SCN2A: variants seen among roughly 807,000 people sequenced by gnomAD.
The protein encoded by SCN2A is sodium voltage-gated channel alpha subunit 2.
Under a neutral mutation model 188.7 loss-of-function variants are expected in SCN2A, and 20 were observed. The ratio of observed to expected loss-of-function variants is 0.11; its 90% CI spans 0.07 to 0.15. The LOEUF is 0.15. Ranked by LOEUF, SCN2A falls within the 10% of genes least tolerant of loss-of-function variation. The pLI, the probability that SCN2A is intolerant of heterozygous loss-of-function variation, is 1.00. For synonymous variants in SCN2A, 804 were observed against 833.1 expected (o/e 0.97, Z 0.60); for missense variants, 1,278 against 2,445.0 (o/e 0.52, Z 10.07).
intron 17 of SCN2A, among the ~76,000 whole-genome samples, chr2:165,357,159 T>G (rs991651306): frequency 3.9e-5 from 6 of 152,180 alleles, no homozygotes; most frequent in African/African-American, 1.4e-4. Flanking sequence ...AGGTTATGTG[T>G]AGGTTTTGAT....
At position 165,319,259 on chromosome 2, in the gene SCN2A, C is replaced by T. The variant is rs181246005; in HGVS notation, c.1671+3501C>T. 2.6e-5 allele frequency among the ~76,000 whole-genome samples: 4 copies of T among 152,156 alleles called. No homozygotes were observed. The East Asian group carries it at 7.8e-4, about 30-fold the overall frequency. On this transcript the variant is annotated intron_variant, in intron 11 of 26. Transcript: ENST00000375437. Reference sequence around the variant, plus strand: ...GGCTGAGGCAGGAGAATGGTGTGAACCTGGGAGGTGGAGCTTGCAGTGAGC... The same window carrying T: ...GGCTGAGGCAGGAGAATGGTGTGAATCTGGGAGGTGGAGCTTGCAGTGAGC...
intron 1 of SCN2A, among the ~76,000 whole-genome samples, chr2:165,294,345 CTAGGCA>C (rs1696387149): frequency 6.6e-6 from 1 of 151,950 alleles, no homozygotes; most frequent in African/African-American, 2.4e-5. Context: ...ATGTCTGTCG[CTAGGCA>C]TGAGGGTCTC....
chr2:165,257,365 C>T (rs896554272), intron 1 of SCN2A, among the ~76,000 whole-genome samples: 2 of 152,160 alleles, frequency 1.3e-5, no homozygotes, highest in African/African-American at 4.8e-5. Context: ...AGTTCCACAC[C>T]ACCAGAAAAG....
chr2:165,304,370 T>C (rs1265051799), intron 3 of SCN2A, among the ~76,000 whole-genome samples: 1 of 152,204 alleles, frequency 6.6e-6, no homozygotes, highest in African/African-American at 2.4e-5. Flanking sequence ...GCTGAGATTA[T>C]AGGCGAGAGC....
chr2:165,284,528 A>G (rs1190650937), intron 1 of SCN2A, among the ~76,000 whole-genome samples: 1 of 152,124 alleles, frequency 6.6e-6, no homozygotes, highest in African/African-American at 2.4e-5. Context: ...ATTCATGGGG[A>G]AGATGCCCAG....
chr2:165,241,412 G>T (rs906501223), intron 1 of SCN2A, among the ~76,000 whole-genome samples: 2 of 152,164 alleles, frequency 1.3e-5, no homozygotes, highest in African/African-American at 4.8e-5. Flanking sequence ...TAATAGAAAA[G>T]ATTGTACATA....
intron 13 of SCN2A, among the ~76,000 whole-genome samples, chr2:165,330,287 A>G (rs1450620099): frequency 6.6e-6 from 1 of 152,208 alleles, no homozygotes; most frequent in Non-Finnish European, 1.5e-5. Flanking sequence ...GGTGTACAGC[A>G]ATGATATTGA....
chr2:165,353,738 T>C (rs1363312333), intron 16 of SCN2A, among the ~76,000 whole-genome samples: 1 of 152,066 alleles, frequency 6.6e-6, no homozygotes, highest in Non-Finnish European at 1.5e-5. Flanking sequence ...GAGAACTCAC[T>C]AACATGAGGA....
chr2:165,376,826 A>G (rs978781754), intron 22 of SCN2A, among the ~76,000 whole-genome samples: 2 of 151,966 alleles, frequency 1.3e-5, no homozygotes, highest in African/African-American at 4.8e-5. Context: ...TGTGTCTGCT[A>G]TGCACTCATA....
At chr2:165,256,435 A>C (rs934541391) in intron 1 of SCN2A, among the ~76,000 whole-genome samples, 1 of 151,994 alleles carries the variant, frequency 6.6e-6, no homozygotes, top group Non-Finnish European at 1.5e-5. Context: ...TTTCCTTTTC[A>C]ATTTACTATC....
intron 24 of SCN2A, 41 bp downstream of exon 24, chr2:165,380,770 C>T (rs1701559343): frequency 1.4e-6 from 2 of 1,420,816 alleles, no homozygotes; most frequent in African/African-American, 1.4e-5. Context: ...GAAATATGAA[C>T]TAAATATTTC....
intron 1 of SCN2A, among the ~76,000 whole-genome samples, chr2:165,249,651 T>G (rs1156441109): frequency 2.0e-5 from 3 of 152,046 alleles, no homozygotes; most frequent in African/African-American, 7.2e-5. Context: ...AATTATTTAC[T>G]ACCTTAGTTT....
intron 1 of SCN2A, among the ~76,000 whole-genome samples, chr2:165,262,614 A>G (rs1694649697): frequency 6.6e-6 from 1 of 151,938 alleles, no homozygotes; most frequent in African/African-American, 2.4e-5. Flanking sequence ...ATATGTATAT[A>G]CACATAGAAT....
At chr2:165,387,067 T>C (rs762442776) in intron 26 of SCN2A, 51 bp downstream of exon 26, 2 of 1,572,584 alleles carry the variant, frequency 1.3e-6, no homozygotes, top group Non-Finnish European at 1.7e-6. Flanking sequence ...TAAAAATATG[T>C]GTTTTAAAAC....
chr2:165,313,617 T>C lies in SCN2A; in HGVS notation c.1035-3T>C, dbSNP rs2121371. Reference sequence around the variant, plus strand: ...TCCTTTCTTTCCTCTAACCTAATTATAGCCAGTGTCCTGAAGGATACATCT... The same window carrying C: ...TCCTTTCTTTCCTCTAACCTAATTACAGCCAGTGTCCTGAAGGATACATCT... On this transcript the variant is annotated splice_polypyrimidine_tract_variant and splice_region_variant and intron_variant, in intron 8 of 26. Transcript: ENST00000375437. 0.82 allele frequency: 1,327,838 copies of C among 1,612,776 alleles called. 548,643 individuals are homozygous for C. The highest frequency in any genetic ancestry group is 0.84 in the Non-Finnish European group (995,093 of 1,179,108).
At position 165,354,405 on chromosome 2, in the gene SCN2A, C is replaced by T. The variant is rs369128399; in HGVS notation, c.3133C>T (p.Leu1045=). ...AGATGAAATTAAACCGCTTGAAGATCTAAATAATAAAAAAGACAGCTGTAT... is the reference window on the plus strand; with the variant it reads ...AGATGAAATTAAACCGCTTGAAGATTTAAATAATAAAAAAGACAGCTGTAT... ...ALDEIKPLED[L]NNKKDSCISN... The change falls in exon 17 of 27, where the codon CTA becomes TTA. Residue 1045 remains leucine (L), a synonymous_variant. Transcript: ENST00000375437. The T allele has an allele frequency of 4.3e-6, 7 of 1,613,808 alleles. No individual in the cohort carries two copies. Among genetic ancestry groups the T allele is most frequent in the African/African-American group, 1.3e-5 (1 of 74,902 alleles).
At chr2:165,320,462 C>G (rs908290198) in intron 11 of SCN2A, 4 of 152,300 alleles carry the variant, frequency 2.6e-5, no homozygotes, top group Non-Finnish European at 4.4e-5. Context: ...CAGTAGGGAC[C>G]CTGTGTTGGG....
intron 20 of SCN2A, chr2:165,372,974 C>T: frequency 2.8e-6 from 1 of 359,368 alleles, no homozygotes; most frequent in South Asian, 3.7e-5. Flanking sequence ...CATATATGGG[C>T]TTCTTTTTTA....
intron 20 of SCN2A, chr2:165,371,920 C>T (rs1045365285): frequency 2.0e-5 from 3 of 152,160 alleles, no homozygotes; most frequent in Non-Finnish European, 2.9e-5. Context: ...CTATATGTAT[C>T]TTCTTTTCCA....
Sources: allele counts gnomAD v4.1 joint callset (sites outside exome capture counted in the v4.1 genomes callset), GRCh38; gene constraint gnomAD v4.1.1; transcripts MANE v1.5; gene names NCBI Gene and HGNC (gene_info 2026-07-23, HGNC 2026-07-21).